Variants in NFIA observed in about 807,000 individuals in gnomAD.
The protein encoded by NFIA is nuclear factor 1 A-type.
Under a neutral mutation model 62.8 loss-of-function variants are expected in NFIA, and 8 were observed. That is an observed-to-expected ratio of 0.13 (90% CI 0.07 to 0.23). NFIA has a LOEUF of 0.23. Among genes scored for constraint, NFIA ranks in the 10% least tolerant of loss-of-function variants. NFIA has a pLI of 1.00. For missense variants in NFIA, 410 were observed against 642.1 expected (o/e 0.64, Z 3.91); for synonymous variants, 235 against 238.1 (o/e 0.99, Z 0.12).
chr1:61,231,872 CAAA>C (rs201132875), intron 2 of NFIA, among the ~76,000 whole-genome samples: 12 of 148,828 alleles, frequency 8.1e-5, no homozygotes, highest in Admixed American at 5.3e-4. Context: ...ACAACAACAA[CAAA>C]AAAAAACAAA....
chr1:61,295,680 A>C (rs1177509990), intron 3 of NFIA, among the ~76,000 whole-genome samples: 2 of 152,200 alleles, frequency 1.3e-5, no homozygotes, highest in East Asian at 3.8e-4. Context: ...CCCGTGCCTC[A>C]GTTTCCTCGT....
intron 2 of NFIA, among the ~76,000 whole-genome samples, chr1:61,174,717 C>T (rs1421017346): frequency 6.6e-6 from 1 of 152,148 alleles, no homozygotes; most frequent in African/African-American, 2.4e-5. Context: ...ATGTGATAAA[C>T]TTTGAGTACC....
At chr1:61,441,812 T>G (rs1488299926) in intron 10 of NFIA, among the ~76,000 whole-genome samples, 1 of 152,142 alleles carries the variant, frequency 6.6e-6, no homozygotes, top group Non-Finnish European at 1.5e-5. Flanking sequence ...CCATGCTGTA[T>G]CTCTTATTTG....
chr1:61,368,781 C>T (rs973703360), intron 6 of NFIA, among the ~76,000 whole-genome samples: 2 of 152,144 alleles, frequency 1.3e-5, no homozygotes, highest in Admixed American at 1.3e-4. Context: ...CCTAAACTTA[C>T]TGTATGAATT....
chr1:61,156,564 C>T (rs1557603268), intron 2 of NFIA, among the ~76,000 whole-genome samples: 1 of 152,132 alleles, frequency 6.6e-6, no homozygotes, highest in Non-Finnish European at 1.5e-5. Flanking sequence ...ATTCTCTAAA[C>T]TGTTAGGCTG....
At chr1:61,180,482 C>T (rs1470240157) in intron 2 of NFIA, among the ~76,000 whole-genome samples, 1 of 152,130 alleles carries the variant, frequency 6.6e-6, no homozygotes, top group Non-Finnish European at 1.5e-5. Flanking sequence ...AAAAGTCCTA[C>T]AGCCATTTAA....
In NFIA at chr1:61,417,265, T is replaced by TTGTGTGTGTGTG. The variant is rs5774557; in HGVS notation, c.1421-9186_1421-9175dup. Among the ~76,000 whole-genome samples, 23 of 139,192 alleles carry TTGTGTGTGTGTG rather than the reference T, an allele frequency of 1.7e-4. No homozygotes were observed. In the East Asian group the frequency reaches 2.5e-3, roughly 15 times the overall value. 91.3% of individuals were successfully genotyped at this position (139,192 alleles called of 152,430 possible). A position where few individuals can be genotyped will look rare whatever the true frequency, so the allele number is the denominator to read the frequency against. Reference sequence around the variant, plus strand: ...ACATTTTGGTTTTGTTTCCTCATCTTTGTGTGTGTGTGTGTGTGTGTGTGT... The same window carrying TTGTGTGTGTGTG: ...ACATTTTGGTTTTGTTTCCTCATCTTTGTGTGTGTGTGTGTGTGTGTGTGTGTGTGTGTGTGT... On this transcript the variant is annotated intron_variant, in intron 9 of 10. Coordinates refer to ENST00000403491, the MANE Select transcript of NFIA (RefSeq NM_001134673.4).
chr1:61,219,236 A>G (rs546119188), intron 2 of NFIA, among the ~76,000 whole-genome samples: 2 of 152,174 alleles, frequency 1.3e-5, no homozygotes, highest in Admixed American at 6.5e-5. Flanking sequence ...AGTCTCAAAA[A>G]AAAAAAAACC....
intron 2 of NFIA, among the ~76,000 whole-genome samples, chr1:61,168,192 A>T (rs1649712183): frequency 6.6e-6 from 1 of 152,208 alleles, no homozygotes; most frequent in South Asian, 2.1e-4. Context: ...CCATACAGAT[A>T]TAGAAAAGCA....
intron 5 of NFIA, among the ~76,000 whole-genome samples, chr1:61,357,972 A>G (rs569997952): frequency 1.3e-5 from 2 of 152,300 alleles, no homozygotes; most frequent in South Asian, 4.1e-4. Context: ...GCATTTCACT[A>G]CGTTTTCACT....
chr1:61,247,704 A>G (rs140314777), intron 2 of NFIA, among the ~76,000 whole-genome samples: 1 of 152,152 alleles, frequency 6.6e-6, no homozygotes, highest in African/African-American at 2.4e-5. Flanking sequence ...TTTGGTGCCT[A>G]CAAATATTGG....
intron 2 of NFIA, among the ~76,000 whole-genome samples, chr1:61,141,362 C>T (rs2008968): frequency 0.13 from 20,097 of 151,994 alleles, 1,477 homozygotes; most frequent in African/African-American, 0.18. Flanking sequence ...CATTCTTAAC[C>T]CTGTCGTCCA....
At chr1:61,281,831 T>G (rs1658153432) in intron 3 of NFIA, among the ~76,000 whole-genome samples, 1 of 152,252 alleles carries the variant, frequency 6.6e-6, no homozygotes, top group African/African-American at 2.4e-5. Context: ...AAAAAAATCC[T>G]GCACAGCCCG....
At chr1:61,347,919 G>A (rs1004355684) in intron 4 of NFIA, among the ~76,000 whole-genome samples, 5 of 152,124 alleles carry the variant, frequency 3.3e-5, no homozygotes, top group African/African-American at 1.2e-4. Flanking sequence ...TGTAATCGAG[G>A]ACAAGTTATT....
intron 7 of NFIA, 95 bp downstream of exon 7, chr1:61,383,460 C>G (rs541500186): frequency 4.8e-5 from 71 of 1,465,222 alleles, no homozygotes; most frequent in Non-Finnish European, 6.4e-5. Flanking sequence ...CCCCTGAACA[C>G]TCGTGAGGCA....
At chr1:61,184,109 G>GA (rs1328494926) in intron 2 of NFIA, among the ~76,000 whole-genome samples, 2 of 144,876 alleles carry the variant, frequency 1.4e-5, no homozygotes, top group African/African-American at 5.2e-5. Context: ...AGGTTTATGG[G>GA]GGGGGGAAAA....
chr1:61,294,177 A>T (rs1231081072), intron 3 of NFIA, among the ~76,000 whole-genome samples: 1 of 152,196 alleles, frequency 6.6e-6, no homozygotes. Flanking sequence ...TCTCATCTCC[A>T]ATTTCTTAAT....
chr1:61,418,562 C>A (rs1038997218), intron 9 of NFIA, among the ~76,000 whole-genome samples: 2 of 152,078 alleles, frequency 1.3e-5, no homozygotes, highest in African/African-American at 4.8e-5. Context: ...CATAATTGAT[C>A]ATGATATATG....
chr1:61,253,652 C>T (rs1235235728), intron 2 of NFIA: 1 of 152,170 alleles, frequency 6.6e-6, no homozygotes, highest in Admixed American at 6.5e-5. Context: ...AACAGAATTG[C>T]TTTATGTCTG....
Sources: gnomAD v4.1 joint callset for allele counts (sites outside exome capture counted in the v4.1 genomes callset) on GRCh38, gnomAD v4.1.1 for gene constraint, MANE v1.5 for transcripts, NCBI Gene and HGNC (gene_info 2026-07-23, HGNC 2026-07-21) for gene names.